The following TMEM135 variants were observed in gnomAD, a reference collection of about 807,000 sequenced individuals.
TMEM135 encodes the protein transmembrane protein 135.
In TMEM135, 30 loss-of-function variants were observed where a neutral mutation model predicts 60.3. The observed-to-expected ratio is 0.50, with a 90% confidence interval of 0.37 to 0.68. The LOEUF is 0.68. Among genes scored for constraint, TMEM135 ranks in the 30% least tolerant of loss-of-function variants. The pLI, the probability that TMEM135 is intolerant of heterozygous loss-of-function variation, is 0.00. For missense variants in TMEM135, 468 were observed against 548.8 expected (o/e 0.85, Z 1.47); for synonymous variants, 190 against 186.7 (o/e 1.02, Z -0.14).
intron 2 of TMEM135, among the ~76,000 whole-genome samples, 182 bp from the exon 3 acceptor site, chr11:87,071,341 G>A (rs140142897): frequency 6.6e-6 from 1 of 152,172 alleles, no homozygotes. Flanking sequence ...GGAAAATAGA[G>A]GAGAGAGAAC....
Position 87,152,021 on chromosome 11 carries a change from C to T in TMEM135, c.397-5320C>T, listed in dbSNP as rs183830804. Among the ~76,000 whole-genome samples the T allele has an allele frequency of 5.0e-4, 76 of 152,280 alleles. No homozygotes were observed. In the South Asian group the frequency reaches 8.5e-3, roughly 17 times the overall value. On this transcript the variant is annotated intron_variant, in intron 4 of 14. Transcript: ENST00000305494. ...GAGAGGAGTCTAACTCCTTTTTAGA[C>T]TGCTTTGCAGCCAATCCACCAGTTC...
chr11:87,128,413 G>A (rs1437908033), intron 4 of TMEM135, among the ~76,000 whole-genome samples: 2 of 152,018 alleles, frequency 1.3e-5, no homozygotes, highest in South Asian at 4.2e-4. Flanking sequence ...TCTGATACTT[G>A]TAATAAGAGA....
intron 5 of TMEM135, among the ~76,000 whole-genome samples, chr11:87,198,380 G>A (rs189181129): frequency 6.6e-6 from 1 of 152,186 alleles, no homozygotes; most frequent in Non-Finnish European, 1.5e-5. Context: ...AACCCTTAGA[G>A]TATTCTAGGG....
intron 6 of TMEM135, among the ~76,000 whole-genome samples, chr11:87,242,860 G>T (rs1367270468): frequency 6.8e-6 from 1 of 147,914 alleles, no homozygotes; most frequent in Non-Finnish European, 1.5e-5. Context: ...AGTTTAATGA[G>T]ATCCCATTTG....
intron 6 of TMEM135, among the ~76,000 whole-genome samples, chr11:87,248,132 G>A (rs1004166046): frequency 6.6e-6 from 1 of 152,058 alleles, no homozygotes; most frequent in Non-Finnish European, 1.5e-5. Context: ...GCAAATCTTG[G>A]CTGTTGTGAA....
At chr11:87,158,025 G>A (rs1012549734) in intron 5 of TMEM135, 2 of 152,572 alleles carry the variant, frequency 1.3e-5, no homozygotes, top group Admixed American at 6.5e-5. Flanking sequence ...GGTTGAGGTC[G>A]AATGTAACAC....
intron 1 of TMEM135, among the ~76,000 whole-genome samples, chr11:87,056,573 G>C (rs958911632): frequency 1.3e-5 from 2 of 152,180 alleles, no homozygotes; most frequent in East Asian, 3.8e-4. Flanking sequence ...CTAATTATTA[G>C]ACTTTAATAT....
intron 6 of TMEM135, among the ~76,000 whole-genome samples, chr11:87,244,964 T>C (rs1270316998): frequency 6.6e-6 from 1 of 151,870 alleles, no homozygotes; most frequent in Non-Finnish European, 1.5e-5. Context: ...TTTGGATCTT[T>C]CCTGTTTTCT....
intron 1 of TMEM135, among the ~76,000 whole-genome samples, chr11:87,061,485 A>C (rs528832152): frequency 1.5e-4 from 23 of 152,354 alleles, no homozygotes; most frequent in African/African-American, 5.5e-4. Context: ...AGAAAGATTA[A>C]ATAGATACAA....
At chr11:87,245,056 G>T (rs1282551377) in intron 6 of TMEM135, among the ~76,000 whole-genome samples, 1 of 139,698 alleles carries the variant, frequency 7.2e-6, no homozygotes, top group Non-Finnish European at 1.6e-5. Context: ...TTGTATCTTT[G>T]TTCTCCTTGG....
chr11:87,112,173 C>G (rs1857769320), intron 4 of TMEM135, among the ~76,000 whole-genome samples: 1 of 152,264 alleles, frequency 6.6e-6, no homozygotes, highest in Admixed American at 6.5e-5. Flanking sequence ...CTATGACAGC[C>G]TTAGGCAGCC....
intron 5 of TMEM135, among the ~76,000 whole-genome samples, chr11:87,218,881 G>C (rs1940559346): frequency 6.6e-6 from 1 of 152,138 alleles, no homozygotes; most frequent in Non-Finnish European, 1.5e-5. Flanking sequence ...AGAATCGCTT[G>C]AACCCAGGAG....
chr11:87,120,875 A>T (rs1858038582), intron 4 of TMEM135, among the ~76,000 whole-genome samples: 1 of 152,158 alleles, frequency 6.6e-6, no homozygotes, highest in Admixed American at 6.5e-5. Context: ...TGTTATCTTG[A>T]ATTAAATTTT....
intron 3 of TMEM135, among the ~76,000 whole-genome samples, chr11:87,078,159 T>C (rs1424305458): frequency 6.6e-6 from 1 of 152,236 alleles, no homozygotes; most frequent in Non-Finnish European, 1.5e-5. Context: ...ACTGCCAAAC[T>C]GTTTACCAAA....
chr11:87,225,022 A>G (rs1940736294), intron 5 of TMEM135, among the ~76,000 whole-genome samples: 1 of 152,110 alleles, frequency 6.6e-6, no homozygotes, highest in African/African-American at 2.4e-5. Flanking sequence ...TTTTCCTGTC[A>G]CCTTTTCTTA....
At chr11:87,293,549 C>G (rs1212916855) in intron 6 of TMEM135, among the ~76,000 whole-genome samples, 1 of 152,096 alleles carries the variant, frequency 6.6e-6, no homozygotes, top group East Asian at 1.9e-4. Context: ...TGTGTTGTTC[C>G]CCTCTCTGTG....
At chr11:87,138,696 A>G (rs950582878) in intron 4 of TMEM135, among the ~76,000 whole-genome samples, 2 of 152,304 alleles carry the variant, frequency 1.3e-5, no homozygotes, top group African/African-American at 4.8e-5. Flanking sequence ...AGTATGATAC[A>G]TTGTGGCAGA....
At position 87,321,921 on chromosome 11, in the gene TMEM135, A is replaced by G; in HGVS notation, c.*588A>G. 2.2e-6 allele frequency: 1 copy of G among 454,422 alleles called. No homozygotes were observed. Among genetic ancestry groups the G allele is most frequent in the Non-Finnish European group, 4.4e-6 (1 of 226,746 alleles). The allele number at this position is 454,422 out of a possible 1,614,324, so 28.1% of individuals were successfully genotyped here. On this transcript the variant is annotated 3_prime_UTR_variant, in exon 15 of 15. Coordinates refer to ENST00000305494, the MANE Select transcript of TMEM135 (RefSeq NM_022918.4). ...GGGATGCAAAGATGGGTCTCATACC[A>G]TTTGGATAAATGTCGTGGTATCCAT...
intron 1 of TMEM135, among the ~76,000 whole-genome samples, chr11:87,054,161 A>C (rs975663144): frequency 2.6e-5 from 4 of 151,882 alleles, no homozygotes; most frequent in Non-Finnish European, 4.4e-5. Context: ...GTGGCGGGGC[A>C]GGTTGGCTTA....
Sources: allele counts gnomAD v4.1 joint callset (sites outside exome capture counted in the v4.1 genomes callset), GRCh38; gene constraint gnomAD v4.1.1; transcripts MANE v1.5; gene names NCBI Gene and HGNC (gene_info 2026-07-23, HGNC 2026-07-21).